Variants in TBC1D19 observed in about 807,000 individuals in gnomAD.
TBC1D19 encodes the protein TBC1 domain family member 19.
TBC1D19 carries 60 observed loss-of-function variants against 89.0 expected under a neutral mutation model. The ratio of observed to expected loss-of-function variants is 0.67; its 90% confidence interval spans 0.55 to 0.84. The LOEUF is 0.84. Among genes scored for constraint, TBC1D19 ranks in the 40% least tolerant of loss-of-function variants. The pLI is 0.00. For missense variants in TBC1D19, 500 were observed against 610.8 expected (o/e 0.82, Z 1.91); for synonymous variants, 189 against 199.7 (o/e 0.95, Z 0.45).
chr4:26,630,508 T>A (rs1013669067), intron 4 of TBC1D19, among the ~76,000 whole-genome samples: 1 of 151,986 alleles, frequency 6.6e-6, no homozygotes, highest in Non-Finnish European at 1.5e-5. Context: ...ATTTTTTTTT[T>A]GGCATTTCTT....
chr4:26,805,745 C>G, the TBC1D19 span, among the ~76,000 whole-genome samples: 1 of 152,168 alleles, frequency 6.6e-6, no homozygotes, highest in Non-Finnish European at 1.5e-5. Context: ...CCTGTAATCC[C>G]AGCACTTTGG....
At chr4:26,841,164 G>A in the TBC1D19 span, among the ~76,000 whole-genome samples, 5 of 152,200 alleles carry the variant, frequency 3.3e-5, no homozygotes, top group Admixed American at 6.5e-5. Flanking sequence ...ATCACCTGAG[G>A]TCAGGAGTTT....
chr4:26,732,573 A>T (rs1276111839), intron 15 of TBC1D19, among the ~76,000 whole-genome samples: 1 of 152,246 alleles, frequency 6.6e-6, no homozygotes. Flanking sequence ...ATGGGGCAGG[A>T]GTCCGAAGCA....
the TBC1D19 span, among the ~76,000 whole-genome samples, chr4:26,808,876 C>A: frequency 1.3e-5 from 2 of 152,100 alleles, no homozygotes; most frequent in African/African-American, 4.8e-5. Flanking sequence ...CATTGCTGAG[C>A]AGCATTGACT....
chr4:26,647,538 G>A (rs1431018792), intron 7 of TBC1D19, among the ~76,000 whole-genome samples: 1 of 152,000 alleles, frequency 6.6e-6, no homozygotes, highest in Non-Finnish European at 1.5e-5. Context: ...CACAGCTTCC[G>A]GAGGAAGGCC....
At position 26,584,158 on chromosome 4, in the gene TBC1D19, C is replaced by CCTGTCCGGCGCGGA; in HGVS notation, c.-30_-29insGGCGCGGACTGTCC. The CCTGTCCGGCGCGGA allele has an allele frequency of 6.3e-7, 1 of 1,596,250 alleles. No homozygotes were observed. Among genetic ancestry groups the CCTGTCCGGCGCGGA allele is most frequent in the Admixed American group, 1.8e-5 (1 of 56,720 alleles). Reference sequence around the variant, plus strand: ...TAGCCCGTTCGCTCCGCGCCGGCGGCCTGTCCCCGCGGCTTGGCGGGCTAG... The same window carrying CCTGTCCGGCGCGGA: ...TAGCCCGTTCGCTCCGCGCCGGCGGCCTGTCCGGCGCGGACTGTCCCCGCGGCTTGGCGGGCTAG... On this transcript the variant is annotated 5_prime_UTR_variant, in exon 1 of 21. Transcript: ENST00000264866.
intron 14 of TBC1D19, among the ~76,000 whole-genome samples, 192 bp downstream of exon 14, chr4:26,718,209 G>A (rs550705680): frequency 1.8e-4 from 27 of 152,164 alleles, no homozygotes; most frequent in African/African-American, 6.3e-4. Flanking sequence ...CGGGAAAGTG[G>A]TTCCCAGAAG....
chr4:26,852,503 G>T, the TBC1D19 span, among the ~76,000 whole-genome samples: 12 of 152,306 alleles, frequency 7.9e-5, no homozygotes, highest in African/African-American at 2.9e-4. Context: ...GCTGCAGTGA[G>T]CTGTGATTGT....
intron 7 of TBC1D19, among the ~76,000 whole-genome samples, chr4:26,653,453 G>A (rs1172781778): frequency 2.6e-5 from 4 of 152,148 alleles, no homozygotes; most frequent in Admixed American, 6.5e-5. Context: ...TGGTTGATCT[G>A]TCTAATGTTG....
intron 18 of TBC1D19, among the ~76,000 whole-genome samples, chr4:26,744,911 A>G (rs533018155): frequency 6.6e-6 from 1 of 152,184 alleles, no homozygotes; most frequent in Non-Finnish European, 1.5e-5. Flanking sequence ...CCTTGTATAC[A>G]CTTACTAATT....
At chr4:26,753,963 G>C (rs1366247145) in intron 20 of TBC1D19, 73 bp downstream of exon 20, 2 of 1,531,116 alleles carry the variant, frequency 1.3e-6, no homozygotes, top group South Asian at 2.3e-5. Flanking sequence ...TTTAGTGTCT[G>C]TTGCATAGGA....
the TBC1D19 span, among the ~76,000 whole-genome samples, chr4:26,808,746 A>AAG: frequency 2.7e-5 from 4 of 150,524 alleles, no homozygotes; most frequent in Non-Finnish European, 5.9e-5. Context: ...AAAAAAAAAA[A>AAG]GAAAAAGAAA....
chr4:26,677,124 C>G (rs1302800730), intron 11 of TBC1D19, among the ~76,000 whole-genome samples: 1 of 152,180 alleles, frequency 6.6e-6, no homozygotes, highest in East Asian at 1.9e-4. Flanking sequence ...TAGCCAGAAA[C>G]CTGGTGTCAT....
chr4:26,857,232 T>G, the TBC1D19 span, among the ~76,000 whole-genome samples: 1 of 152,194 alleles, frequency 6.6e-6, no homozygotes, highest in African/African-American at 2.4e-5. Context: ...TAGAGGTGTT[T>G]CCAAAGTTCT....
At chr4:26,803,667 G>T in the TBC1D19 span, among the ~76,000 whole-genome samples, 2 of 152,166 alleles carry the variant, frequency 1.3e-5, no homozygotes, top group African/African-American at 4.8e-5. Flanking sequence ...ATGCCCATTT[G>T]TGGCAAACGG....
the TBC1D19 span, among the ~76,000 whole-genome samples, chr4:26,807,932 G>C: frequency 6.6e-6 from 1 of 152,170 alleles, no homozygotes; most frequent in African/African-American, 2.4e-5. Context: ...CTAATTTAGT[G>C]ACAGGGAAAC....
intron 3 of TBC1D19, among the ~76,000 whole-genome samples, chr4:26,617,725 A>G (rs1741782952): frequency 6.6e-6 from 1 of 152,220 alleles, no homozygotes; most frequent in Non-Finnish European, 1.5e-5. Context: ...TCTGTGTGTT[A>G]GTCTTCATTG....
At chr4:26,740,591 A>G in intron 17 of TBC1D19, 3 of 926,336 alleles carry the variant, frequency 3.2e-6, no homozygotes, top group Non-Finnish European at 3.9e-6. Flanking sequence ...TGAACATTTT[A>G]ATCTGTTCTC....
intron 1 of TBC1D19, among the ~76,000 whole-genome samples, chr4:26,592,737 A>G (rs1560401738): frequency 2.0e-5 from 3 of 151,406 alleles, no homozygotes; most frequent in Admixed American, 1.3e-4. Context: ...TCCCATTCAC[A>G]ATTGCTTCAA....
Sources: gnomAD v4.1 joint callset for allele counts (sites outside exome capture counted in the v4.1 genomes callset) on GRCh38, gnomAD v4.1.1 for gene constraint, MANE v1.5 for transcripts, NCBI Gene and HGNC (gene_info 2026-07-23, HGNC 2026-07-21) for gene names.